KIT: variants seen among roughly 807,000 people sequenced by gnomAD.
KIT encodes the protein mast/stem cell growth factor receptor Kit.
In KIT, 16 loss-of-function variants were observed where a neutral mutation model predicts 105.7. The ratio of observed to expected loss-of-function variants is 0.15; its 90% CI spans 0.10 to 0.23. The LOEUF is 0.23. KIT is among the 10% of genes least tolerant of loss of function. The probability of loss-of-function intolerance (pLI) is 1.00; values close to 1 mark genes in which losing one functional copy is unlikely to be tolerated. For synonymous variants in KIT, 438 were observed against 441.1 expected (o/e 0.99, Z 0.09); for missense variants, 858 against 1,213.8 (o/e 0.71, Z 4.36).
intron 13 of KIT, 154 bp from the exon 14 acceptor site, chr4:54,729,181 G>A: frequency 2.7e-6 from 2 of 730,234 alleles, no homozygotes; most frequent in Non-Finnish European, 4.6e-6. Context: ...TTTTTGATAA[G>A]CAGTGTTAAT....
chr4:54,673,643 A>AT (rs1718269263), intron 1 of KIT, among the ~76,000 whole-genome samples: 1 of 151,984 alleles, frequency 6.6e-6, no homozygotes, highest in South Asian at 2.1e-4. Context: ...TTCTGGCGTG[A>AT]TTTTATTGTT....
chr4:54,738,748 C>T lies in KIT; in HGVS notation c.*191C>T. ...AGCCACCATCCTATTGCAAAGGTTC[C>T]AACTGTATATATTCCCAATAGCAAC... On this transcript the variant is annotated 3_prime_UTR_variant, in exon 21 of 21. Coordinates refer to ENST00000288135, the MANE Select transcript of KIT (RefSeq NM_000222.3). The T allele has an allele frequency of 5.7e-6, 4 of 698,798 alleles. No individual in the cohort carries two copies. Among genetic ancestry groups the T allele is most frequent in the African/African-American group, 1.8e-5 (1 of 57,138 alleles). The allele number at this position is 698,798 out of a possible 1,614,324, so 43.3% of individuals were successfully genotyped here. A position where few individuals can be genotyped will look rare whatever the true frequency, so the allele number is the denominator to read the frequency against.
chr4:54,674,627 C>G (rs996491791), intron 1 of KIT, among the ~76,000 whole-genome samples: 1 of 152,192 alleles, frequency 6.6e-6, no homozygotes, highest in Non-Finnish European at 1.5e-5. Flanking sequence ...CTTGAAATCT[C>G]AACTCAGAGG....
intron 7 of KIT, among the ~76,000 whole-genome samples, chr4:54,722,289 C>CAAT (rs1553890823): frequency 2.0e-5 from 3 of 152,236 alleles, no homozygotes; most frequent in South Asian, 4.1e-4. Flanking sequence ...CCGTGCCCAG[C>CAAT]AATAATAATA....
intron 1 of KIT, among the ~76,000 whole-genome samples, chr4:54,679,810 C>T (rs570226439): frequency 1.2e-4 from 18 of 152,166 alleles, no homozygotes; most frequent in Non-Finnish European, 2.4e-4. Context: ...AGCATATACA[C>T]AGTGGACTAT....
rs1326606159 is a variant in KIT at position 54,727,259 on chromosome 4, G to A, written c.1582G>A (p.Gly528Ser). Residue 528 changes from glycine to serine, a missense_variant, in exon 10 of 21, where the codon GGT (glycine) becomes AGT (serine). By Grantham distance (56) the Gly-to-Ser change is moderately conservative. Transcript: ENST00000288135. Reference sequence around the variant, plus strand: ...CACCCTGTTCACTCCTTTGCTGATTGGTTTCGTAATCGTAGCTGGCATGAT... The same window carrying A: ...CACCCTGTTCACTCCTTTGCTGATTAGTTTCGTAATCGTAGCTGGCATGAT... Reference protein sequence around the residue: ...PHTLFTPLLIGFVIVAGMMCI... With the variant: ...PHTLFTPLLISFVIVAGMMCI... 3.7e-6 allele frequency: 6 copies of A among 1,614,130 alleles called. No homozygotes were observed. The East Asian group carries it at 1.3e-4, about 36-fold the overall frequency.
At chr4:54,709,142 C>T (rs546012244) in intron 6 of KIT, among the ~76,000 whole-genome samples, 130 of 101,912 alleles carry the variant, frequency 1.3e-3, no homozygotes, top group African/African-American at 4.6e-3. Flanking sequence ...AGGGCGGAGG[C>T]GGGAGGCGGT....
chr4:54,727,687 A>T (rs967243527), intron 11 of KIT, 136 bp from the exon 12 acceptor site: 6 of 1,300,900 alleles, frequency 4.6e-6, no homozygotes, highest in Non-Finnish European at 6.6e-6. Flanking sequence ...TAGGTTTGCC[A>T]TAGAGAACAT....
chr4:54,736,916 G>A, intron 19 of KIT, 96 bp downstream of exon 19: 4 of 882,042 alleles, frequency 4.5e-6, no homozygotes, highest in South Asian at 4.2e-5. Context: ...TCATAACACA[G>A]TTTGAAATGT....
chr4:54,692,779 TCTCA>T (rs766828287), intron 1 of KIT, among the ~76,000 whole-genome samples: 1 of 152,228 alleles, frequency 6.6e-6, no homozygotes, highest in Non-Finnish European at 1.5e-5. Flanking sequence ...GGACTCAACG[TCTCA>T]CTCTGTAGCC....
Position 54,720,234 on chromosome 4 carries a change from C to G in KIT, c.1232-3350C>G, listed in dbSNP as rs554227865. 3.3e-5 allele frequency among the ~76,000 whole-genome samples: 5 copies of G among 152,186 alleles called. No individual in the cohort carries two copies. In the South Asian group the frequency reaches 1.0e-3, roughly 32 times the overall value. On this transcript the variant is annotated intron_variant, in intron 7 of 20. Coordinates refer to ENST00000288135, the MANE Select transcript of KIT (RefSeq NM_000222.3). ...TTCTCTTCCCTTAGAGAGTCTAAGG[C>G]ATATTGAAGATTTAGGACCCTGTCA... is the stretch of plus-strand genomic sequence containing the variant.
chr4:54,715,278 C>T (rs1298397368), intron 7 of KIT, among the ~76,000 whole-genome samples: 1 of 151,422 alleles, frequency 6.6e-6, no homozygotes, highest in Non-Finnish European at 1.5e-5. Flanking sequence ...TAGGGAGAAG[C>T]TCCTGCAGAT....
At chr4:54,712,169 T>C (rs1376286268) in intron 7 of KIT, among the ~76,000 whole-genome samples, 1 of 152,178 alleles carries the variant, frequency 6.6e-6, no homozygotes, top group Non-Finnish European at 1.5e-5. Flanking sequence ...TCCCAATACA[T>C]TGTGGATCAA....
intron 1 of KIT, among the ~76,000 whole-genome samples, chr4:54,660,223 G>T (rs1307958190): frequency 6.6e-6 from 1 of 152,190 alleles, no homozygotes; most frequent in Non-Finnish European, 1.5e-5. Context: ...GAAGCAAGGA[G>T]CTGTGGCTTA....
At chr4:54,695,444 T>C (rs1295597224) in intron 1 of KIT, 68 bp from the exon 2 acceptor site, 10 of 1,538,830 alleles carry the variant, frequency 6.5e-6, no homozygotes, top group Non-Finnish European at 7.2e-6. Context: ...GAACTCAGTA[T>C]TGGAAGAAGT....
At chr4:54,667,269 G>A (rs1175895397) in intron 1 of KIT, among the ~76,000 whole-genome samples, 1 of 152,114 alleles carries the variant, frequency 6.6e-6, no homozygotes, top group African/African-American at 2.4e-5. Context: ...GGTCCAGTGG[G>A]GAAGGTGGTA....
At chr4:54,683,486 G>C (rs1719094306) in intron 1 of KIT, among the ~76,000 whole-genome samples, 1 of 152,288 alleles carries the variant, frequency 6.6e-6, no homozygotes, top group Admixed American at 6.5e-5. Context: ...AAAAGGTGGG[G>C]GGGTGGGGAA....
chr4:54,717,537 T>C (rs976298601), intron 7 of KIT, among the ~76,000 whole-genome samples: 1 of 152,148 alleles, frequency 6.6e-6, no homozygotes, highest in Middle Eastern at 3.2e-3. Flanking sequence ...TCTGCTGGAA[T>C]TGACTCTAAA....
chr4:54,719,140 G>T (rs551584891), intron 7 of KIT, among the ~76,000 whole-genome samples: 1 of 152,054 alleles, frequency 6.6e-6, no homozygotes, highest in African/African-American at 2.4e-5. Flanking sequence ...AAGTGTTTGC[G>T]TTTTTTGTCC....
Sources: gnomAD v4.1 joint callset for allele counts (sites outside exome capture counted in the v4.1 genomes callset) on GRCh38, gnomAD v4.1.1 for gene constraint, MANE v1.5 for transcripts, NCBI Gene and HGNC (gene_info 2026-07-23, HGNC 2026-07-21) for gene names.